The following ARB2A variants were observed in gnomAD, a reference collection of about 807,000 sequenced individuals.
ARB2A encodes the protein ARB2 cotranscriptional regulator A.
chr5:93,971,117 G>A, the ARB2A span, among the ~76,000 whole-genome samples: 3 of 151,796 alleles, frequency 2.0e-5, no homozygotes, highest in Non-Finnish European at 4.4e-5. Flanking sequence ...TCCTGCCTCA[G>A]CCACCCGAGT....
the ARB2A span, among the ~76,000 whole-genome samples, chr5:93,720,859 A>G: frequency 4.6e-5 from 7 of 152,348 alleles, no homozygotes; most frequent in South Asian, 1.4e-3. Flanking sequence ...TAAAAGTCAA[A>G]TAAGTGCCAG....
chr5:94,031,900 C>T, the ARB2A span, among the ~76,000 whole-genome samples: 1 of 152,204 alleles, frequency 6.6e-6, no homozygotes, highest in African/African-American at 2.4e-5. Flanking sequence ...CTCAAGTGAA[C>T]CAAGATGCCA....
At chr5:94,057,840 G>T in the ARB2A span, among the ~76,000 whole-genome samples, 1,429 of 152,296 alleles carry the variant, frequency 9.4e-3, 24 homozygotes, top group African/African-American at 0.033. Context: ...CAGGAAGGAA[G>T]AACCCAAACA....
At chr5:93,623,628 C>T in the ARB2A span, among the ~76,000 whole-genome samples, 1 of 152,086 alleles carries the variant, frequency 6.6e-6, no homozygotes, top group Non-Finnish European at 1.5e-5. Context: ...CTGAAAAGAC[C>T]AGAGTCCCTG....
the ARB2A span, among the ~76,000 whole-genome samples, chr5:93,943,673 T>C: frequency 7.2e-5 from 11 of 152,166 alleles, no homozygotes; most frequent in African/African-American, 2.7e-4. Context: ...TAGAAAGATC[T>C]TGCAGTATTT....
At chr5:93,672,132 A>G in the ARB2A span, among the ~76,000 whole-genome samples, 2 of 152,172 alleles carry the variant, frequency 1.3e-5, no homozygotes, top group African/African-American at 2.4e-5. Flanking sequence ...AAATAACACA[A>G]CATATTTACA....
At chr5:94,055,438 C>G in the ARB2A span, among the ~76,000 whole-genome samples, 2 of 152,090 alleles carry the variant, frequency 1.3e-5, no homozygotes, top group Non-Finnish European at 2.9e-5. Flanking sequence ...AGTCACTAGC[C>G]TCTCTCTGTA....
At chr5:93,958,284 C>T in the ARB2A span, among the ~76,000 whole-genome samples, 2 of 151,756 alleles carry the variant, frequency 1.3e-5, no homozygotes, top group African/African-American at 4.8e-5. Flanking sequence ...TTTAAAGAAA[C>T]GACAAAAAAA....
the ARB2A span, among the ~76,000 whole-genome samples, chr5:93,848,398 A>G: frequency 3.3e-5 from 5 of 151,998 alleles, no homozygotes; most frequent in Non-Finnish European, 7.4e-5. Context: ...AAAAAAAAAA[A>G]AAAAGAAAAA....
the ARB2A span, chr5:94,053,117 C>A: frequency 4.8e-4 from 527 of 1,105,914 alleles, 3 homozygotes; most frequent in South Asian, 7.1e-3. Context: ...AGATAGATAA[C>A]CCACTTACTT....
chr5:93,903,155 T>C, the ARB2A span, among the ~76,000 whole-genome samples: 2 of 152,120 alleles, frequency 1.3e-5, no homozygotes, highest in Non-Finnish European at 2.9e-5. Flanking sequence ...AAATGTTTCT[T>C]TATACACCAG....
the ARB2A span, among the ~76,000 whole-genome samples, chr5:93,753,863 G>T: frequency 6.6e-6 from 1 of 152,094 alleles, no homozygotes; most frequent in Non-Finnish European, 1.5e-5. Flanking sequence ...CTAGGTTCAG[G>T]TCTTTCCTCA....
the ARB2A span, chr5:93,863,255 G>A: frequency 6.6e-6 from 1 of 152,078 alleles, no homozygotes; most frequent in Non-Finnish European, 1.5e-5. Flanking sequence ...GGTTGGATTT[G>A]ATGGGGTCAT....
chr5:94,040,426 C>T, the ARB2A span, among the ~76,000 whole-genome samples: 19 of 151,668 alleles, frequency 1.3e-4, no homozygotes, highest in Non-Finnish European at 2.1e-4. Context: ...CATATGTATA[C>T]ATGTGCCATG....
At chr5:93,873,731 T>C in the ARB2A span, among the ~76,000 whole-genome samples, 2 of 152,192 alleles carry the variant, frequency 1.3e-5, no homozygotes, top group Non-Finnish European at 2.9e-5. Context: ...CCTTGTCAGG[T>C]GGGAGCCACT....
chr5:93,677,986 G>C, the ARB2A span, among the ~76,000 whole-genome samples: 1 of 152,166 alleles, frequency 6.6e-6, no homozygotes, highest in African/African-American at 2.4e-5. Context: ...TGATCGCAAA[G>C]CACATTGAAA....
the ARB2A span, among the ~76,000 whole-genome samples, chr5:94,046,479 C>A: frequency 6.6e-6 from 1 of 152,036 alleles, no homozygotes; most frequent in Non-Finnish European, 1.5e-5. Context: ...GAACTCATAC[C>A]CACCAGGAGG....
chr5:93,658,550 TGTG>T, the ARB2A span, among the ~76,000 whole-genome samples: 3 of 152,232 alleles, frequency 2.0e-5, no homozygotes, highest in Non-Finnish European at 2.9e-5. Flanking sequence ...ACAAAAAAGA[TGTG>T]GTCACTGCCT....
the ARB2A span, among the ~76,000 whole-genome samples, chr5:93,648,488 A>G: frequency 6.6e-6 from 1 of 152,178 alleles, no homozygotes; most frequent in South Asian, 2.1e-4. Context: ...CCATTTTGCT[A>G]TTAGCTCTTG....
Sources: allele counts gnomAD v4.1 joint callset (sites outside exome capture counted in the v4.1 genomes callset), GRCh38; gene constraint gnomAD v4.1.1; transcripts MANE v1.5; gene names NCBI Gene and HGNC (gene_info 2026-07-23, HGNC 2026-07-21).